The following TTLL11 variants were observed in gnomAD, a reference collection of about 807,000 sequenced individuals.
TTLL11 encodes tubulin tyrosine ligase like 11, also known as tubulin polyglutamylase TTLL11.
A neutral mutation model predicts 51.7 loss-of-function variants in TTLL11; 42 were observed. The observed-to-expected ratio is 0.81, with a 90% CI of 0.64 to 1.05. The LOEUF (loss-of-function observed/expected upper bound fraction) is 1.05. Ranked by LOEUF, TTLL11 falls within the 50% of genes least tolerant of loss-of-function variation. The pLI is 0.00. For missense variants in TTLL11, 799 were observed against 940.4 expected, an observed-to-expected ratio of 0.85 and a Z score of 1.97; for synonymous variants, 381 against 383.5, an observed-to-expected ratio of 0.99 and a Z score of 0.08.
intron 1 of TTLL11, among the ~76,000 whole-genome samples, chr9:122,079,052 A>C (rs1845933575): frequency 6.6e-6 from 1 of 152,154 alleles, no homozygotes; most frequent in Non-Finnish European, 1.5e-5. Flanking sequence ...ATTAGTGTAC[A>C]AGTTGTTATG....
intron 6 of TTLL11, among the ~76,000 whole-genome samples, chr9:121,949,302 G>T (rs1263225657): frequency 1.3e-5 from 2 of 152,160 alleles, no homozygotes; most frequent in African/African-American, 4.8e-5. Context: ...CTGATTTGGG[G>T]AGGAAAATCA....
chr9:121,898,583 C>G (rs1839636792), intron 6 of TTLL11, among the ~76,000 whole-genome samples: 1 of 152,238 alleles, frequency 6.6e-6, no homozygotes, highest in African/African-American at 2.4e-5. Context: ...TCCTAACGCT[C>G]CCACCACAGA....
At chr9:121,915,465 A>G (rs1367911246) in intron 6 of TTLL11, among the ~76,000 whole-genome samples, 1 of 152,084 alleles carries the variant, frequency 6.6e-6, no homozygotes, top group Non-Finnish European at 1.5e-5. Flanking sequence ...GATACATCTC[A>G]TGTTTGCTTA....
chr9:121,869,201 T>A (rs1838269462), intron 7 of TTLL11, among the ~76,000 whole-genome samples: 2 of 152,168 alleles, frequency 1.3e-5, no homozygotes, highest in African/African-American at 4.8e-5. Context: ...ACTTCAGGTG[T>A]ACTGAAACGG....
intron 1 of TTLL11, among the ~76,000 whole-genome samples, chr9:122,054,308 G>T (rs1205025007): frequency 1.3e-5 from 2 of 152,100 alleles, no homozygotes; most frequent in East Asian, 3.9e-4. Context: ...CCATTAGTAG[G>T]AGGGGAAGAT....
chr9:122,026,035 G>A (rs202071737), intron 3 of TTLL11, among the ~76,000 whole-genome samples: 4 of 152,228 alleles, frequency 2.6e-5, no homozygotes, highest in East Asian at 3.8e-4. Context: ...CGAAAAAGGA[G>A]TGCCTGTTAT....
chr9:121,818,034 AC>A lies in TTLL11; in HGVS notation c.*4552del, dbSNP rs1202556549. ...CCTATCCTCCCACTCCATTCCCCTG[AC>A]TACCTACATGCACATCCGGAGGACC... On this transcript the variant is annotated 3_prime_UTR_variant, in exon 9 of 9. Transcript: ENST00000321582. The A allele has an allele frequency of 6.6e-6, 1 of 152,328 alleles. No homozygotes were observed. Among genetic ancestry groups the A allele is most frequent in the African/African-American group, 2.4e-5 (1 of 41,466 alleles). 9.4% of individuals were successfully genotyped at this position (152,328 alleles called of 1,614,324 possible).
intron 3 of TTLL11, among the ~76,000 whole-genome samples, chr9:122,001,932 C>T (rs1020969029): frequency 3.9e-5 from 6 of 152,208 alleles, no homozygotes; most frequent in Non-Finnish European, 7.3e-5. Context: ...CTTGTACATG[C>T]CTTTGATCAC....
chr9:121,965,652 T>A (rs7036888), intron 6 of TTLL11, among the ~76,000 whole-genome samples: 56,887 of 152,058 alleles, frequency 0.37, 11,440 homozygotes, highest in East Asian at 0.67. Context: ...TTCAGCAGGA[T>A]AGCGGATGAT....
intron 7 of TTLL11, among the ~76,000 whole-genome samples, chr9:121,869,596 A>G (rs890104781): frequency 3.3e-5 from 5 of 152,196 alleles, no homozygotes; most frequent in Non-Finnish European, 5.9e-5. Flanking sequence ...GACCATATAT[A>G]TATCTATATG....
At chr9:121,988,586 G>A (rs548434673) in intron 4 of TTLL11, among the ~76,000 whole-genome samples, 2 of 152,010 alleles carry the variant, frequency 1.3e-5, no homozygotes, top group African/African-American at 2.4e-5. Flanking sequence ...TCTAACTCTC[G>A]CTCCAGGTTT....
In TTLL11 at chr9:122,091,227, T is replaced by A. The variant is rs183509127; in HGVS notation, c.462+1460A>T. ...CTTGGGCCAATCTGCCTAGCCTGAC[T>A]CCATAGCCTGGTTTTATTTGCTGGA... On this transcript the variant is annotated intron_variant, in intron 1 of 8. Coordinates refer to ENST00000321582, the MANE Select transcript of TTLL11 (RefSeq NM_001139442.2). Among the ~76,000 whole-genome samples the A allele has an allele frequency of 1.4e-4, 21 of 152,318 alleles. 1 individual carries two copies. In the East Asian group the frequency reaches 4.1e-3, roughly 29 times the overall value.
intron 1 of TTLL11, among the ~76,000 whole-genome samples, chr9:122,091,791 T>G (rs1239088073): frequency 2.0e-5 from 3 of 152,190 alleles, no homozygotes; most frequent in African/African-American, 7.2e-5. Context: ...GCAAATAAAG[T>G]CAAATGGCTT....
intron 3 of TTLL11, among the ~76,000 whole-genome samples, chr9:122,025,540 A>G (rs529736931): frequency 3.9e-5 from 6 of 152,240 alleles, no homozygotes; most frequent in South Asian, 4.2e-4. Flanking sequence ...GGATCGCTTG[A>G]GCCTGGGAGA....
chr9:122,072,381 C>T (rs1223384317), intron 1 of TTLL11, among the ~76,000 whole-genome samples: 1 of 152,124 alleles, frequency 6.6e-6, no homozygotes, highest in East Asian at 1.9e-4. Context: ...CGGTGGCTCA[C>T]ACCTGTAATC....
At chr9:121,875,297 A>T (rs1205973702) in intron 6 of TTLL11, among the ~76,000 whole-genome samples, 1 of 152,186 alleles carries the variant, frequency 6.6e-6, no homozygotes, top group Non-Finnish European at 1.5e-5. Context: ...CCTCTGGGAC[A>T]CCTCAGACTG....
intron 8 of TTLL11, among the ~76,000 whole-genome samples, chr9:121,837,878 C>A (rs919547601): frequency 6.6e-6 from 1 of 152,232 alleles, no homozygotes; most frequent in African/African-American, 2.4e-5. Flanking sequence ...CATGTGACCA[C>A]GTGGAAGCCT....
chr9:121,997,876 T>C (rs1201810150), intron 3 of TTLL11, among the ~76,000 whole-genome samples: 2 of 152,054 alleles, frequency 1.3e-5, no homozygotes, highest in Non-Finnish European at 2.9e-5. Flanking sequence ...TTCCTGGGTC[T>C]GCCTGGGTGT....
At chr9:121,987,307 T>A (rs1488004881) in intron 4 of TTLL11, among the ~76,000 whole-genome samples, 1 of 152,156 alleles carries the variant, frequency 6.6e-6, no homozygotes, top group African/African-American at 2.4e-5. Flanking sequence ...TCTTTTTTCA[T>A]ATATATCAAA....
Sources: allele counts gnomAD v4.1 joint callset (sites outside exome capture counted in the v4.1 genomes callset), GRCh38; gene constraint gnomAD v4.1.1; transcripts MANE v1.5; gene names NCBI Gene and HGNC (gene_info 2026-07-23, HGNC 2026-07-21).